Variants in STRN observed in about 807,000 individuals in gnomAD.
STRN encodes the protein striatin.
A neutral mutation model predicts 96.3 loss-of-function variants in STRN; 53 were observed. The ratio of observed to expected loss-of-function variants is 0.55; its 90% CI spans 0.44 to 0.69. The LOEUF (loss-of-function observed/expected upper bound fraction) is 0.69. STRN is among the 30% of genes least tolerant of loss of function. The pLI is 0.00. For missense variants in STRN, 987 were observed against 963.9 expected (o/e 1.02, Z -0.32); for synonymous variants, 428 against 355.9 (o/e 1.20, Z -2.28).
rs114800806 is a variant in STRN at position 36,916,476 on chromosome 2, A to C, written c.339-325T>G. 2.3e-3 allele frequency among the ~76,000 whole-genome samples: 352 copies of C among 152,036 alleles called. 2 individuals carry two copies. The highest frequency in any genetic ancestry group is 3.9e-3 in the Non-Finnish European group (266 of 67,964). On this transcript the variant is annotated intron_variant, in intron 2 of 17. Coordinates refer to ENST00000263918, the MANE Select transcript of STRN (RefSeq NM_003162.4). ...TTTTCCTGATGATTGCCAAAGCTAAATTTTACTATCAAAAACAGTTAAAAA... is the reference window on the plus strand; with the variant it reads ...TTTTCCTGATGATTGCCAAAGCTAACTTTTACTATCAAAAACAGTTAAAAA...
chr2:36,959,169 A>C (rs1423770589), intron 1 of STRN, among the ~76,000 whole-genome samples: 1 of 152,160 alleles, frequency 6.6e-6, no homozygotes, highest in Non-Finnish European at 1.5e-5. Context: ...ACTACATAAC[A>C]CCAAAGACAG....
rs369589209 is a variant in STRN, at chr2:36,878,047, G to A, written c.1187-20C>T. ...CTTCCACTGAAGAGGGAAGACAAAG[G>A]AAACATTAAAAAATCTCTAAGGAGC... is the stretch of plus-strand genomic sequence containing the variant. On this transcript the variant is annotated intron_variant, in intron 9 of 17. Transcript: ENST00000263918. 2.5e-6 allele frequency: 4 copies of A among 1,610,176 alleles called. No individual in the cohort carries two copies. The highest frequency in any genetic ancestry group is 2.2e-5 in the South Asian group (2 of 90,252).
At chr2:36,913,589 T>C (rs1670016723) in intron 3 of STRN, among the ~76,000 whole-genome samples, 1 of 152,256 alleles carries the variant, frequency 6.6e-6, no homozygotes, top group African/African-American at 2.4e-5. Flanking sequence ...ACATGTCATA[T>C]GTCATTGTAA....
chr2:36,928,909 C>T (rs1670494629), intron 1 of STRN, among the ~76,000 whole-genome samples: 1 of 148,100 alleles, frequency 6.8e-6, no homozygotes, highest in Admixed American at 6.7e-5. Flanking sequence ...GACCACGCCA[C>T]TGCACTCCAG....
In STRN at chr2:36,874,725, A is replaced by AC. The variant is rs1235033702; in HGVS notation, c.1323+3165_1323+3166insG. ...AATACTATGTTTAGAGTTAAAAAAAAAAAAAAAAAAAAAAACACCTCTGCC... is the reference window on the plus strand; with the variant it reads ...AATACTATGTTTAGAGTTAAAAAAAACAAAAAAAAAAAAAAACACCTCTGCC... On this transcript the variant is annotated intron_variant, in intron 10 of 17. Transcript: ENST00000263918. Among the ~76,000 whole-genome samples, 711 of 149,746 alleles carry AC rather than the reference A, an allele frequency of 4.7e-3. 10 individuals are homozygous for AC. The highest frequency in any genetic ancestry group is 0.016 in the African/African-American group (655 of 40,696).
chr2:36,891,520 G>GT (rs1045940848), intron 7 of STRN, among the ~76,000 whole-genome samples: 2 of 119,260 alleles, frequency 1.7e-5, no homozygotes, highest in African/African-American at 2.5e-5. Context: ...GTGAGACTCT[G>GT]TCAAAAAAAA....
chr2:36,854,534 T>C (rs1553391962), intron 15 of STRN, among the ~76,000 whole-genome samples: 1 of 152,178 alleles, frequency 6.6e-6, no homozygotes, highest in Non-Finnish European at 1.5e-5. Context: ...TATGTAAACA[T>C]ATGCATGTAC....
intron 10 of STRN, among the ~76,000 whole-genome samples, chr2:36,875,505 C>CAAAAAAAAAAAAAAA (rs70946953): frequency 2.0e-5 from 1 of 50,978 alleles, no homozygotes. Context: ...GACTCTGCCT[C>CAAAAAAAAAAAAAAA]AAAAAAAAAA....
rs1305120314 is a variant in STRN, at chr2:36,869,747, C to G, written c.1324-18G>C. ...TTTGCTATCTATTAAAGAAACAAAACAAAGATATCTACACACTTAGTTAAG... is the reference window on the plus strand; with the variant it reads ...TTTGCTATCTATTAAAGAAACAAAAGAAAGATATCTACACACTTAGTTAAG... On this transcript the variant is annotated intron_variant, in intron 10 of 17. Coordinates refer to ENST00000263918, the MANE Select transcript of STRN (RefSeq NM_003162.4). 13 of 1,565,508 alleles carry G rather than the reference C, an allele frequency of 8.3e-6. No individual in the cohort carries two copies. The highest frequency in any genetic ancestry group is 1.4e-5 in the African/African-American group (1 of 73,026).
At chr2:36,965,294 T>C (rs1485719887) in intron 1 of STRN, among the ~76,000 whole-genome samples, 5 of 152,250 alleles carry the variant, frequency 3.3e-5, no homozygotes, top group East Asian at 3.8e-4. Flanking sequence ...AATTGGTGTG[T>C]ATGCCCTGGA....
chr2:36,948,846 TA>T, intron 1 of STRN, among the ~76,000 whole-genome samples: 1 of 152,308 alleles, frequency 6.6e-6, no homozygotes, highest in East Asian at 1.9e-4. Flanking sequence ...TAAATTTGAA[TA>T]AAGAATATAT....
At chr2:36,906,027 A>G (rs1252920130) in intron 3 of STRN, among the ~76,000 whole-genome samples, 1 of 152,244 alleles carries the variant, frequency 6.6e-6, no homozygotes, top group African/African-American at 2.4e-5. Flanking sequence ...TAACTGGATT[A>G]TTTGTAACAC....
chr2:36,924,731 A>C (rs1238110077), intron 2 of STRN, among the ~76,000 whole-genome samples: 1 of 152,200 alleles, frequency 6.6e-6, no homozygotes, highest in African/African-American at 2.4e-5. Flanking sequence ...TTATTTTAGG[A>C]ATGATGAAAA....
chr2:36,933,894 G>A (rs1170253711), intron 1 of STRN, among the ~76,000 whole-genome samples: 4 of 152,188 alleles, frequency 2.6e-5, no homozygotes, highest in Non-Finnish European at 5.9e-5. Flanking sequence ...TGGATCACCC[G>A]AGGTCAGGAG....
chr2:36,894,770 A>G (rs1233427122), intron 6 of STRN, among the ~76,000 whole-genome samples: 1 of 152,234 alleles, frequency 6.6e-6, no homozygotes. Context: ...GCTTAAAATT[A>G]TAAAAGTTTT....
At chr2:36,961,005 T>C (rs1190323945) in intron 1 of STRN, among the ~76,000 whole-genome samples, 3 of 150,596 alleles carry the variant, frequency 2.0e-5, no homozygotes, top group Admixed American at 6.6e-5. Flanking sequence ...CAAGCAATCC[T>C]CCCATCTCAG....
rs1668385138 is a variant in STRN at position 36,857,833 on chromosome 2, A to G, written c.1837+23T>C. ...AAACTGTTTTATAGAGGATTCAGCA[A>G]AATAATTTTTTAAAGTATGTACCTT... On this transcript the variant is annotated intron_variant, in intron 14 of 17. Transcript: ENST00000263918. The G allele has an allele frequency of 7.5e-6, 12 of 1,593,074 alleles. No homozygotes were observed. In the East Asian group the frequency reaches 2.7e-4, roughly 36 times the overall value.
chr2:36,861,086 T>G, intron 13 of STRN, 46 bp downstream of exon 13: 3 of 1,600,964 alleles, frequency 1.9e-6, no homozygotes, highest in Non-Finnish European at 2.6e-6. Context: ...AAAAATGTGT[T>G]TAAAAAACCA....
intron 9 of STRN, among the ~76,000 whole-genome samples, chr2:36,879,362 G>A (rs541380140): frequency 1.3e-5 from 2 of 152,190 alleles, no homozygotes; most frequent in South Asian, 2.1e-4. Context: ...GAGCCACCAC[G>A]CCCAGCGAGA....
Sources: allele counts gnomAD v4.1 joint callset (sites outside exome capture counted in the v4.1 genomes callset), GRCh38; gene constraint gnomAD v4.1.1; transcripts MANE v1.5; gene names NCBI Gene and HGNC (gene_info 2026-07-23, HGNC 2026-07-21).